Variants in ZNF385D observed in about 807,000 individuals in gnomAD.
ZNF385D encodes zinc finger protein 385D, also known as zinc finger protein 659.
In ZNF385D, 15 loss-of-function variants were observed where a neutral mutation model predicts 35.8. The observed-to-expected ratio is 0.42, with a 90% CI of 0.28 to 0.64. The LOEUF is 0.64. Ranked by LOEUF, ZNF385D falls within the 30% of genes least tolerant of loss-of-function variation. ZNF385D has a pLI of 0.23. For missense variants in ZNF385D, 474 were observed against 494.6 expected, an observed-to-expected ratio of 0.96 and a Z score of 0.39; for synonymous variants, 212 against 186.8, an observed-to-expected ratio of 1.13 and a Z score of -1.10.
intron 1 of ZNF385D, among the ~76,000 whole-genome samples, chr3:21,714,159 C>T (rs2068223530): frequency 6.6e-6 from 1 of 152,024 alleles, no homozygotes; most frequent in Non-Finnish European, 1.5e-5. Context: ...TAACTGTGCC[C>T]ATAATAACTG....
intron 3 of ZNF385D, among the ~76,000 whole-genome samples, chr3:21,523,023 G>A (rs956764134): frequency 6.6e-6 from 1 of 152,152 alleles, no homozygotes; most frequent in Non-Finnish European, 1.5e-5. Flanking sequence ...TGTCATAAAT[G>A]TATTAAGGAG....
intron 2 of ZNF385D, among the ~76,000 whole-genome samples, chr3:21,640,749 C>G (rs774649849): frequency 2.0e-5 from 3 of 152,020 alleles, no homozygotes; most frequent in Non-Finnish European, 4.4e-5. Flanking sequence ...GTTATAGAAG[C>G]CAGAGCTGAC....
intron 2 of ZNF385D, among the ~76,000 whole-genome samples, chr3:22,294,654 TACTA>T (rs72107045): frequency 0.056 from 8,473 of 152,094 alleles, 585 homozygotes; most frequent in African/African-American, 0.16. Flanking sequence ...TGCTGATGAT[TACTA>T]ACTGAGTGTT....
chr3:21,991,560 G>C (rs1189342536), intron 3 of ZNF385D, among the ~76,000 whole-genome samples: 1 of 152,112 alleles, frequency 6.6e-6, no homozygotes, highest in African/African-American at 2.4e-5. Flanking sequence ...AGAAATCGTT[G>C]GTCAAATGGT....
chr3:21,582,257 G>A (rs1005468373), intron 2 of ZNF385D, among the ~76,000 whole-genome samples: 1 of 152,094 alleles, frequency 6.6e-6, no homozygotes, highest in African/African-American at 2.4e-5. Flanking sequence ...CTGAATCTGG[G>A]TTTTTTGGTG....
intron 3 of ZNF385D, among the ~76,000 whole-genome samples, chr3:21,970,194 C>T (rs1023239397): frequency 2.0e-5 from 3 of 152,032 alleles, no homozygotes; most frequent in African/African-American, 7.2e-5. Context: ...TAAAACCATC[C>T]AGGAAAACGT....
chr3:21,865,676 T>C (rs1224431919), intron 3 of ZNF385D, among the ~76,000 whole-genome samples: 2 of 152,122 alleles, frequency 1.3e-5, no homozygotes, highest in African/African-American at 4.8e-5. Flanking sequence ...TCTTATAGTT[T>C]GAGGAACTTA....
intron 2 of ZNF385D, among the ~76,000 whole-genome samples, chr3:22,315,249 T>C (rs1214435213): frequency 6.6e-6 from 1 of 152,196 alleles, no homozygotes. Context: ...CGAAGACAAG[T>C]CAGACTAGGT....
chr3:21,665,015 C>CT lies in ZNF385D; in HGVS notation c.35dup (p.Ser13GlufsTer22). On this transcript the variant is annotated frameshift_variant, in exon 2 of 8. Coordinates refer to ENST00000281523, the MANE Select transcript of ZNF385D (RefSeq NM_024697.3). LOFTEE classifies it high-confidence loss of function. ...GGACAAGGGCCGGGAGAGCAGGACT[C>CT]TGGCATGTACCACCTGTGAAGACCA... 1 of 1,610,630 alleles carries CT rather than the reference C, an allele frequency of 6.2e-7. No homozygotes were observed. Among genetic ancestry groups the CT allele is most frequent in the Non-Finnish European group, 8.5e-7 (1 of 1,178,312 alleles).
chr3:22,223,926 G>A (rs1001467747), intron 2 of ZNF385D, among the ~76,000 whole-genome samples: 1 of 151,964 alleles, frequency 6.6e-6, no homozygotes, highest in African/African-American at 2.4e-5. Context: ...GTAAAGTCAG[G>A]GACTTTGCCT....
chr3:21,602,727 G>A (rs375280773), intron 2 of ZNF385D, among the ~76,000 whole-genome samples: 4 of 150,594 alleles, frequency 2.7e-5, no homozygotes, highest in Admixed American at 2.0e-4. Context: ...TAGAGACGGG[G>A]TTTCACCTTG....
intron 3 of ZNF385D, among the ~76,000 whole-genome samples, chr3:21,764,420 T>A (rs2070744011): frequency 6.6e-6 from 1 of 152,126 alleles, no homozygotes; most frequent in Non-Finnish European, 1.5e-5. Flanking sequence ...AAGCATCCAG[T>A]GGAAATAAAG....
intron 2 of ZNF385D, among the ~76,000 whole-genome samples, chr3:21,644,247 T>C (rs2065686301): frequency 6.6e-6 from 1 of 152,152 alleles, no homozygotes; most frequent in African/African-American, 2.4e-5. Flanking sequence ...TTAAAATAAA[T>C]GTGAGCTATA....
At chr3:22,064,633 A>G (rs1002400146) in intron 3 of ZNF385D, among the ~76,000 whole-genome samples, 1 of 152,214 alleles carries the variant, frequency 6.6e-6, no homozygotes, top group Admixed American at 6.5e-5. Flanking sequence ...CCTGGCATCC[A>G]CAACACCACA....
At chr3:22,049,213 T>C (rs1160182038) in intron 3 of ZNF385D, among the ~76,000 whole-genome samples, 1 of 151,682 alleles carries the variant, frequency 6.6e-6, no homozygotes, top group Admixed American at 6.6e-5. Flanking sequence ...GGAGATTCGC[T>C]TGAACCTGGG....
chr3:22,277,301 T>G (rs904591360), intron 2 of ZNF385D, among the ~76,000 whole-genome samples: 3 of 152,078 alleles, frequency 2.0e-5, no homozygotes, highest in African/African-American at 7.2e-5. Context: ...GGGATTCAAG[T>G]AGCTTTGAGA....
At chr3:21,439,854 A>T (rs191428355) in intron 4 of ZNF385D, among the ~76,000 whole-genome samples, 1 of 152,218 alleles carries the variant, frequency 6.6e-6, no homozygotes, top group South Asian at 2.1e-4. Flanking sequence ...AGACAGGCTT[A>T]GGGGAATTAA....
intron 3 of ZNF385D, among the ~76,000 whole-genome samples, chr3:21,818,659 C>T (rs1469085798): frequency 6.6e-6 from 1 of 151,998 alleles, no homozygotes; most frequent in African/African-American, 2.4e-5. Context: ...TATGGCCTCA[C>T]ACTCCATGGG....
Position 21,418,129 on chromosome 3 carries a change from G to C in ZNF385D, c.*3085C>G, listed in dbSNP as rs1700593227. 2 of 152,094 alleles carry C rather than the reference G, an allele frequency of 1.3e-5. No individual in the cohort carries two copies. Among genetic ancestry groups the C allele is most frequent in the Admixed American group, 6.6e-5 (1 of 15,262 alleles). The allele number at this position is 152,094 out of a possible 1,614,324, so 9.4% of individuals were successfully genotyped here. ...ACAATGCTTTTTCCAGAGGCATTTG[G>C]CTTCTGCAATGCATTTATATTTGTT... On this transcript the variant is annotated 3_prime_UTR_variant, in exon 8 of 8. Transcript: ENST00000281523.
Sources: allele counts gnomAD v4.1 joint callset (sites outside exome capture counted in the v4.1 genomes callset), GRCh38; gene constraint gnomAD v4.1.1; transcripts MANE v1.5; gene names NCBI Gene and HGNC (gene_info 2026-07-23, HGNC 2026-07-21).